The following KCNH5 variants were observed in gnomAD, a reference collection of about 807,000 sequenced individuals.
KCNH5 encodes the protein potassium voltage-gated channel subfamily H member 5, also known as voltage-gated delayed rectifier potassium channel KCNH5.
A neutral mutation model predicts 96.1 loss-of-function variants in KCNH5; 46 were observed. That is an observed-to-expected ratio of 0.48 (90% confidence interval 0.38 to 0.61). The LOEUF (loss-of-function observed/expected upper bound fraction) is 0.61. Ranked by LOEUF, KCNH5 falls within the 20% of genes least tolerant of loss-of-function variation. The pLI is 0.00. For synonymous variants in KCNH5, 439 were observed against 449.8 expected (o/e 0.98, Z 0.30); for missense variants, 907 against 1,225.8 (o/e 0.74, Z 3.88).
chr14:62,885,783 C>A (rs910868450), intron 7 of KCNH5, among the ~76,000 whole-genome samples: 7 of 152,224 alleles, frequency 4.6e-5, no homozygotes, highest in South Asian at 2.1e-4. Context: ...ACCTAAACAT[C>A]CTTTTGTGTT....
chr14:62,856,366 C>G (rs1184143990), intron 7 of KCNH5, among the ~76,000 whole-genome samples: 1 of 152,192 alleles, frequency 6.6e-6, no homozygotes, highest in Non-Finnish European at 1.5e-5. Flanking sequence ...TAATTATCTT[C>G]CTTTTATAAA....
chr14:62,762,312 C>A (rs916471926), intron 10 of KCNH5, among the ~76,000 whole-genome samples: 10 of 152,160 alleles, frequency 6.6e-5, no homozygotes, highest in African/African-American at 2.4e-4. Flanking sequence ...TTCTAGCCTC[C>A]CGTGTGGTCC....
At chr14:63,020,120 G>A (rs951363737) in intron 1 of KCNH5, among the ~76,000 whole-genome samples, 6 of 152,082 alleles carry the variant, frequency 3.9e-5, no homozygotes, top group African/African-American at 1.4e-4. Flanking sequence ...AAAGCACAAC[G>A]ATATACTGCT....
intron 1 of KCNH5, among the ~76,000 whole-genome samples, chr14:63,029,915 T>G (rs1048815906): frequency 1.3e-5 from 2 of 152,032 alleles, no homozygotes; most frequent in Non-Finnish European, 2.9e-5. Flanking sequence ...TCCCAGAAAA[T>G]TTTAATTTCT....
At chr14:62,834,739 CA>C (rs1272243561) in intron 8 of KCNH5, among the ~76,000 whole-genome samples, 1 of 151,646 alleles carries the variant, frequency 6.6e-6, no homozygotes, top group African/African-American at 2.4e-5. Flanking sequence ...AAATAGTTAT[CA>C]AAAATCAAAA....
At chr14:62,877,818 C>CA (rs1888407140) in intron 7 of KCNH5, among the ~76,000 whole-genome samples, 1 of 151,806 alleles carries the variant, frequency 6.6e-6, no homozygotes, top group Non-Finnish European at 1.5e-5. Context: ...CTTGAAATAC[C>CA]ATTTGATCCA....
At chr14:62,818,804 A>G (rs1158842470) in intron 8 of KCNH5, among the ~76,000 whole-genome samples, 3 of 152,184 alleles carry the variant, frequency 2.0e-5, no homozygotes, top group African/African-American at 7.2e-5. Flanking sequence ...TAACCCCATT[A>G]TATTTACAAA....
intron 7 of KCNH5, among the ~76,000 whole-genome samples, chr14:62,906,311 G>A (rs982730671): frequency 2.1e-4 from 32 of 152,130 alleles, no homozygotes; most frequent in African/African-American, 7.5e-4. Flanking sequence ...AGACAGACAC[G>A]CACATACTTG....
At position 62,833,814 on chromosome 14, in the gene KCNH5, T is replaced by A. The variant is rs551399444; in HGVS notation, c.1569+15839A>T. 1.8e-4 allele frequency among the ~76,000 whole-genome samples: 28 copies of A among 152,160 alleles called. No individual in the cohort carries two copies. In the South Asian group the frequency reaches 5.2e-3, roughly 28 times the overall value. On this transcript the variant is annotated intron_variant, in intron 8 of 10. Transcript: ENST00000322893. ...CCACAGATCTAAATTTGCCTGTCTT[T>A]ATCATATATAAAATCTCCACGTATG...
At chr14:63,043,150 T>C (rs933604752) in intron 1 of KCNH5, among the ~76,000 whole-genome samples, 15 of 152,182 alleles carry the variant, frequency 9.9e-5, no homozygotes, top group Admixed American at 7.9e-4. Flanking sequence ...CTTTATTTCA[T>C]AGTATATCTA....
chr14:62,944,453 T>C (rs889300810), intron 7 of KCNH5, among the ~76,000 whole-genome samples: 4 of 152,036 alleles, frequency 2.6e-5, no homozygotes, highest in Middle Eastern at 3.2e-3. Flanking sequence ...TGAACCTTTC[T>C]GTTTTCTACC....
rs770629422 is a variant in KCNH5, at chr14:62,699,982, A to G, written c.*7526T>C. The stretch of plus-strand genomic sequence containing the variant: ...TGAATCAATTATTTCTGGTGAATTA[A>G]CCCTTAAAGGCAGAGGCATTTTTAA... On this transcript the variant is annotated 3_prime_UTR_variant, in exon 11 of 11. Transcript: ENST00000322893. The G allele has an allele frequency of 1.4e-4, 22 of 152,176 alleles. No individual in the cohort carries two copies. The highest frequency in any genetic ancestry group is 2.9e-4 in the Non-Finnish European group (20 of 68,018). 9.4% of individuals were successfully genotyped at this position (152,176 alleles called of 1,614,324 possible).
chr14:62,997,955 T>C (rs965437989), intron 4 of KCNH5, among the ~76,000 whole-genome samples: 3 of 151,740 alleles, frequency 2.0e-5, no homozygotes, highest in Non-Finnish European at 4.4e-5. Flanking sequence ...TTTCCTTTCT[T>C]GTAATGTCTT....
chr14:62,842,195 A>G (rs1887599160), intron 8 of KCNH5, among the ~76,000 whole-genome samples: 1 of 152,240 alleles, frequency 6.6e-6, no homozygotes, highest in South Asian at 2.1e-4. Flanking sequence ...GCTAAAAGCC[A>G]TGAAAACTAA....
intron 7 of KCNH5, among the ~76,000 whole-genome samples, chr14:62,931,236 T>C (rs1445940138): frequency 6.6e-6 from 1 of 152,148 alleles, no homozygotes; most frequent in East Asian, 1.9e-4. Flanking sequence ...CTGATGGATT[T>C]AGCAAGGTTG....
chr14:62,712,406 T>G, intron 10 of KCNH5: 1 of 513,438 alleles, frequency 1.9e-6, no homozygotes, highest in Non-Finnish European at 3.5e-6. Flanking sequence ...TTTTACGAGC[T>G]AGGACCTATT....
At chr14:62,809,350 T>C (rs1170140555) in intron 8 of KCNH5, among the ~76,000 whole-genome samples, 4 of 152,162 alleles carry the variant, frequency 2.6e-5, no homozygotes, top group Non-Finnish European at 4.4e-5. Context: ...TTGACTGGAA[T>C]GGTTTGCTTT....
chr14:62,929,293 T>TA (rs1289763765), intron 7 of KCNH5, among the ~76,000 whole-genome samples: 1 of 152,104 alleles, frequency 6.6e-6, no homozygotes, highest in Non-Finnish European at 1.5e-5. Context: ...CCTCCATTGT[T>TA]ACTATCTTGG....
rs530834006 is a variant in KCNH5, at chr14:62,945,873, A to AG, written c.1369+4259dup. The stretch of plus-strand genomic sequence containing the variant: ...AGCATGGACTTAGGAGGATAAGCCA[A>AG]GGAAGAATGGTTGAAAGTGAAGTGA... On this transcript the variant is annotated intron_variant, in intron 7 of 10. Transcript: ENST00000322893. 2.4e-3 allele frequency among the ~76,000 whole-genome samples: 367 copies of AG among 152,208 alleles called. 2 individuals carry two copies. Among genetic ancestry groups the AG allele is most frequent in the African/African-American group, 8.7e-3 (360 of 41,534 alleles).
Sources: allele counts gnomAD v4.1 joint callset (sites outside exome capture counted in the v4.1 genomes callset), GRCh38; gene constraint gnomAD v4.1.1; transcripts MANE v1.5; gene names NCBI Gene and HGNC (gene_info 2026-07-23, HGNC 2026-07-21).